The following AUTS2 variants were observed in gnomAD, a reference collection of about 807,000 sequenced individuals.
AUTS2 encodes the protein autism susceptibility gene 2 protein.
In AUTS2, 17 loss-of-function variants were observed where a neutral mutation model predicts 112.4. That is an observed-to-expected ratio of 0.15 (90% CI 0.10 to 0.23). AUTS2 has a LOEUF of 0.23. Among genes scored for constraint, AUTS2 ranks in the 10% least tolerant of loss-of-function variants. AUTS2 has a pLI of 1.00. For missense variants in AUTS2, 1,510 were observed against 1,701.6 expected (o/e 0.89, Z 1.98); for synonymous variants, 751 against 702.7 (o/e 1.07, Z -1.09).
At chr7:70,331,009 C>G (rs1246739052) in intron 4 of AUTS2, among the ~76,000 whole-genome samples, 1 of 151,930 alleles carries the variant, frequency 6.6e-6, no homozygotes, top group African/African-American at 2.4e-5. Flanking sequence ...CTGAAATTTT[C>G]TTTTTTTGTT....
At chr7:70,346,983 G>A (rs370898584) in intron 4 of AUTS2, among the ~76,000 whole-genome samples, 5 of 152,248 alleles carry the variant, frequency 3.3e-5, no homozygotes, top group East Asian at 1.9e-4. Context: ...CCAAGAGTCC[G>A]TGCCATCTCA....
chr7:69,990,584 G>C (rs1431597489), intron 2 of AUTS2, among the ~76,000 whole-genome samples: 2 of 152,122 alleles, frequency 1.3e-5, no homozygotes, highest in African/African-American at 2.4e-5. Flanking sequence ...GAAAATATGA[G>C]TGTAACTTTG....
rs184541216 is a variant in AUTS2 at position 69,624,298 on chromosome 7, C to T, written c.309+24336C>T. Among the ~76,000 whole-genome samples, 3 of 152,184 alleles carry T rather than the reference C, an allele frequency of 2.0e-5. No individual in the cohort carries two copies. In the East Asian group the frequency reaches 5.8e-4, roughly 29 times the overall value. ...AACTTAGGAAACCTGTCTCAGTAGCCAGGTATCTTTATCTGGTACATGATA... is the reference window on the plus strand; with the variant it reads ...AACTTAGGAAACCTGTCTCAGTAGCTAGGTATCTTTATCTGGTACATGATA... On this transcript the variant is annotated intron_variant, in intron 1 of 18. Coordinates refer to ENST00000342771, the MANE Select transcript of AUTS2 (RefSeq NM_015570.4).
intron 1 of AUTS2, among the ~76,000 whole-genome samples, chr7:69,682,948 G>A (rs938527713): frequency 6.6e-6 from 1 of 152,182 alleles, no homozygotes; most frequent in African/African-American, 2.4e-5. Flanking sequence ...CTCTGGTCTC[G>A]TGCTGAGAAA....
At chr7:70,729,094 G>A (rs1328736493) in intron 6 of AUTS2, 1 of 452,968 alleles carries the variant, frequency 2.2e-6, no homozygotes, top group Non-Finnish European at 4.4e-6. Context: ...CTTGAGAACA[G>A]CCATTTACAA....
At chr7:70,626,264 C>T (rs1804938281) in intron 5 of AUTS2, among the ~76,000 whole-genome samples, 1 of 149,414 alleles carries the variant, frequency 6.7e-6, no homozygotes, top group African/African-American at 2.5e-5. Context: ...TGGCTCACAC[C>T]TGTGATCCCA....
chr7:69,758,909 C>G (rs559842653), intron 1 of AUTS2, among the ~76,000 whole-genome samples: 1 of 152,138 alleles, frequency 6.6e-6, no homozygotes, highest in Non-Finnish European at 1.5e-5. Flanking sequence ...AGCAACTCAC[C>G]TCTTCATGCC....
chr7:69,764,613 C>T (rs938679314), intron 1 of AUTS2, among the ~76,000 whole-genome samples: 5 of 151,782 alleles, frequency 3.3e-5, no homozygotes, highest in African/African-American at 1.2e-4. Flanking sequence ...AGAAGTAGTA[C>T]CTTGGCATTC....
chr7:70,269,569 G>C (rs1768208162), intron 4 of AUTS2, among the ~76,000 whole-genome samples: 1 of 152,150 alleles, frequency 6.6e-6, no homozygotes. Flanking sequence ...ACTTCTCTTT[G>C]CCTCAGTTTC....
intron 2 of AUTS2, among the ~76,000 whole-genome samples, chr7:69,919,925 G>A (rs1381921877): frequency 6.6e-6 from 1 of 152,066 alleles, no homozygotes; most frequent in African/African-American, 2.4e-5. Context: ...AAATTATGCT[G>A]TGCACATGGT....
chr7:69,841,212 ATTTATAAGGAAAAGAAG>A (rs1291482053), intron 1 of AUTS2, among the ~76,000 whole-genome samples: 2 of 152,198 alleles, frequency 1.3e-5, no homozygotes, highest in Non-Finnish European at 1.5e-5. Flanking sequence ...ACACTGAGTA[ATTTATAAGGAAAAGAAG>A]TTTAATTGGC....
intron 1 of AUTS2, among the ~76,000 whole-genome samples, chr7:69,884,992 A>G (rs1161030479): frequency 6.6e-6 from 1 of 152,208 alleles, no homozygotes; most frequent in Non-Finnish European, 1.5e-5. Flanking sequence ...GCCAAGGGAA[A>G]GAAAATTCTG....
rs73450537 is a variant in AUTS2 at position 70,527,591 on chromosome 7, T to G, written c.690+91810T>G. On this transcript the variant is annotated intron_variant, in intron 5 of 18. Coordinates refer to ENST00000342771, the MANE Select transcript of AUTS2 (RefSeq NM_015570.4). The stretch of plus-strand genomic sequence containing the variant: ...AATGAAAAGAAATAAATTTCTCACT[T>G]GTCTCTACCCTATGCTACCTTTTCC... Among the ~76,000 whole-genome samples the G allele has an allele frequency of 8.5e-3, 1,299 of 152,196 alleles. 20 individuals carry two copies. Among genetic ancestry groups the G allele is most frequent in the African/African-American group, 0.03 (1,233 of 41,516 alleles).
At chr7:70,274,865 T>C (rs1365438378) in intron 4 of AUTS2, among the ~76,000 whole-genome samples, 1 of 152,186 alleles carries the variant, frequency 6.6e-6, no homozygotes, top group African/African-American at 2.4e-5. Context: ...ATAATTACCA[T>C]ATATGATTCA....
chr7:70,180,344 A>C (rs1809230454), intron 4 of AUTS2, among the ~76,000 whole-genome samples: 1 of 152,218 alleles, frequency 6.6e-6, no homozygotes, highest in Non-Finnish European at 1.5e-5. Flanking sequence ...ACAGAATTCA[A>C]TTTTTAAGAA....
chr7:69,797,290 C>T (rs912032493), intron 1 of AUTS2, among the ~76,000 whole-genome samples: 2 of 152,148 alleles, frequency 1.3e-5, no homozygotes, highest in South Asian at 2.1e-4. Context: ...GGACATGTTC[C>T]GTTTTCAGCT....
intron 2 of AUTS2, among the ~76,000 whole-genome samples, chr7:69,956,497 A>G (rs1310382952): frequency 6.6e-6 from 1 of 152,182 alleles, no homozygotes; most frequent in East Asian, 1.9e-4. Context: ...AAACAGTGCT[A>G]TAGAGTGGAA....
chr7:70,242,536 C>G (rs1812673319), intron 4 of AUTS2, among the ~76,000 whole-genome samples: 1 of 152,164 alleles, frequency 6.6e-6, no homozygotes, highest in South Asian at 2.1e-4. Context: ...TGTGAAGTGC[C>G]TGACATGCAG....
chr7:70,115,446 A>G (rs1030515690), intron 2 of AUTS2, among the ~76,000 whole-genome samples: 1 of 152,236 alleles, frequency 6.6e-6, no homozygotes, highest in Non-Finnish European at 1.5e-5. Flanking sequence ...CAGTGCTGGG[A>G]TTATAGGCAT....
Sources: gnomAD v4.1 joint callset for allele counts (sites outside exome capture counted in the v4.1 genomes callset) on GRCh38, gnomAD v4.1.1 for gene constraint, MANE v1.5 for transcripts, NCBI Gene and HGNC (gene_info 2026-07-23, HGNC 2026-07-21) for gene names.